SP100: variants seen among roughly 807,000 people sequenced by gnomAD.
The protein encoded by SP100 is nuclear autoantigen Sp-100.
In SP100, 84 loss-of-function variants were observed where a neutral mutation model predicts 130.0. The observed-to-expected ratio is 0.65, with a 90% CI of 0.54 to 0.77. SP100 has a LOEUF of 0.77. Ranked by LOEUF, SP100 falls within the 30% of genes least tolerant of loss-of-function variation. The pLI, the probability that SP100 is intolerant of heterozygous loss-of-function variation, is 0.00. For missense variants in SP100, 978 were observed against 1,052.2 expected (o/e 0.93, Z 0.97); for synonymous variants, 331 against 351.7 (o/e 0.94, Z 0.66).
In SP100 at chr2:230,436,891, T is replaced by TGTGTATACACACAA. The variant is rs1559486407; in HGVS notation, c.108-6033_108-6032insAGTGTATACACACA. 5.4e-3 allele frequency among the ~76,000 whole-genome samples: 781 copies of TGTGTATACACACAA among 145,318 alleles called. 5 individuals are homozygous for TGTGTATACACACAA. The highest frequency in any genetic ancestry group is 0.02 in the African/African-American group (752 of 38,338). On this transcript the variant is annotated intron_variant, in intron 2 of 28. Transcript: ENST00000340126. ...GTATATGTGTATACACACACATATA[T>TGTGTATACACACAA]GTGTATACACACACGCATATATGTG...
At chr2:230,525,163 T>A (rs559784963) in intron 24 of SP100, among the ~76,000 whole-genome samples, 202 of 151,988 alleles carry the variant, frequency 1.3e-3, no homozygotes, top group Non-Finnish European at 1.9e-3. Flanking sequence ...ACTTATTTTT[T>A]AAAAAAAAGA....
intron 8 of SP100, among the ~76,000 whole-genome samples, chr2:230,460,372 G>A (rs916900890): frequency 1.3e-5 from 2 of 152,152 alleles, no homozygotes; most frequent in East Asian, 3.9e-4. Context: ...AATTTTGGGG[G>A]ATTTGGCTTC....
At chr2:230,500,754 C>G (rs2066974115) in intron 19 of SP100, among the ~76,000 whole-genome samples, 1 of 152,010 alleles carries the variant, frequency 6.6e-6, no homozygotes, top group African/African-American at 2.4e-5. Context: ...AGGGAGAGTC[C>G]CACACAGAAC....
chr2:230,432,414 T>C (rs770410397), intron 2 of SP100, among the ~76,000 whole-genome samples: 5 of 152,190 alleles, frequency 3.3e-5, no homozygotes, highest in Non-Finnish European at 5.9e-5. Context: ...AGTGAAACTA[T>C]TGGGTTCTAT....
At chr2:230,486,877 G>A (rs1399482050) in intron 17 of SP100, among the ~76,000 whole-genome samples, 2 of 152,166 alleles carry the variant, frequency 1.3e-5, no homozygotes, top group Non-Finnish European at 1.5e-5. Context: ...ATTCTGACTG[G>A]TGTGAGATGG....
intron 19 of SP100, among the ~76,000 whole-genome samples, chr2:230,498,870 C>G (rs1032617752): frequency 3.3e-5 from 5 of 152,176 alleles, no homozygotes; most frequent in African/African-American, 1.2e-4. Context: ...ATGTAGCTGT[C>G]CCTCCTCTTG....
chr2:230,424,902 T>C (rs1575587249), intron 2 of SP100, among the ~76,000 whole-genome samples: 1 of 152,178 alleles, frequency 6.6e-6, no homozygotes, highest in East Asian at 1.9e-4. Flanking sequence ...ACAGAAATCA[T>C]CTAAATGTGT....
rs537016252 is a variant in SP100, at chr2:230,423,162, A to C, written c.107+5497A>C. Reference sequence around the variant, plus strand: ...GTTGTTAGGAGAAAGCAGATTAGTGAAGCTCTGGAAGTATATTATGCATTT... The same window carrying C: ...GTTGTTAGGAGAAAGCAGATTAGTGCAGCTCTGGAAGTATATTATGCATTT... On this transcript the variant is annotated intron_variant, in intron 2 of 28. Transcript: ENST00000340126. Among the ~76,000 whole-genome samples, 159 of 152,306 alleles carry C rather than the reference A, an allele frequency of 1.0e-3. 1 individual carries two copies. The highest frequency in any genetic ancestry group is 1.8e-3 in the Non-Finnish European group (124 of 68,022).
intron 17 of SP100, among the ~76,000 whole-genome samples, chr2:230,478,926 T>A (rs2065696462): frequency 6.6e-6 from 1 of 152,154 alleles, no homozygotes; most frequent in Middle Eastern, 3.2e-3. Context: ...ATTCAAGCAA[T>A]TCTCCTGTCT....
At chr2:230,419,014 C>T (rs1003118175) in intron 2 of SP100, among the ~76,000 whole-genome samples, 5 of 152,136 alleles carry the variant, frequency 3.3e-5, no homozygotes, top group African/African-American at 9.7e-5. Context: ...TTTACATTCA[C>T]GAGACTTCCA....
chr2:230,421,511 A>C (rs572491512), intron 2 of SP100, among the ~76,000 whole-genome samples: 2 of 149,370 alleles, frequency 1.3e-5, no homozygotes, highest in Non-Finnish European at 3.0e-5. Flanking sequence ...ATACATATAT[A>C]TATATATATA....
intron 17 of SP100, among the ~76,000 whole-genome samples, chr2:230,489,641 G>A (rs1330054519): frequency 2.0e-5 from 3 of 152,122 alleles, no homozygotes; most frequent in Admixed American, 6.5e-5. Context: ...GATTTCCGAT[G>A]TGGGCATTTA....
intron 17 of SP100, among the ~76,000 whole-genome samples, chr2:230,486,733 G>T (rs527335267): frequency 6.6e-6 from 1 of 152,200 alleles, no homozygotes; most frequent in Non-Finnish European, 1.5e-5. Flanking sequence ...TCTGGTTCCA[G>T]ATCCTTGAGG....
chr2:230,537,864 G>A (rs1218428025), intron 24 of SP100: 2 of 152,142 alleles, frequency 1.3e-5, no homozygotes, highest in African/African-American at 4.8e-5. Flanking sequence ...ATTGTGTAGG[G>A]TCCATCAGAA....
intron 20 of SP100, 71 bp downstream of exon 20, chr2:230,503,181 C>T: frequency 8.5e-7 from 1 of 1,175,124 alleles, no homozygotes; most frequent in Non-Finnish European, 1.2e-6. Context: ...CTGTGAGTAA[C>T]AAGTCAGTTT....
At chr2:230,496,304 C>G (rs1575742873) in intron 18 of SP100, among the ~76,000 whole-genome samples, 1 of 152,290 alleles carries the variant, frequency 6.6e-6, no homozygotes, top group South Asian at 2.1e-4. Flanking sequence ...ATGCTAGTCC[C>G]TTTTAGCGGT....
intron 24 of SP100, among the ~76,000 whole-genome samples, chr2:230,513,077 CCTT>C (rs1292275710): frequency 6.6e-6 from 1 of 152,210 alleles, no homozygotes; most frequent in African/African-American, 2.4e-5. Context: ...CCACCACTAA[CCTT>C]CTGCTGTGTG....
chr2:230,428,394 G>A (rs561460583), intron 2 of SP100, among the ~76,000 whole-genome samples: 31 of 152,210 alleles, frequency 2.0e-4, no homozygotes, highest in African/African-American at 6.0e-4. Flanking sequence ...AAGCAAGCAC[G>A]TCTTCAAATG....
intron 16 of SP100, 127 bp downstream of exon 16, chr2:230,473,567 T>G (rs2065380509): frequency 8.8e-6 from 5 of 570,232 alleles, no homozygotes; most frequent in Middle Eastern, 3.2e-4. Context: ...CAACAGGAAG[T>G]GGGCCCACAG....
Sources: allele counts gnomAD v4.1 joint callset (sites outside exome capture counted in the v4.1 genomes callset), GRCh38; gene constraint gnomAD v4.1.1; transcripts MANE v1.5; gene names NCBI Gene and HGNC (gene_info 2026-07-23, HGNC 2026-07-21).